CNGB3: variants seen among roughly 807,000 people sequenced by gnomAD.
CNGB3 encodes the protein cyclic nucleotide-gated channel beta-3.
A neutral mutation model predicts 92.8 loss-of-function variants in CNGB3; 86 were observed. The observed-to-expected ratio is 0.93, with a 90% CI of 0.78 to 1.11. CNGB3 has a LOEUF of 1.11. Among genes scored for constraint, CNGB3 ranks in the 50% least tolerant of loss-of-function variants. The pLI is 0.00. For missense variants in CNGB3, 1,026 were observed against 956.8 expected (o/e 1.07, Z -0.95); for synonymous variants, 333 against 332.7 (o/e 1.00, Z -0.01).
Position 86,691,219 on chromosome 8 carries a change from A to C in CNGB3, c.339-20121T>G, listed in dbSNP as rs116294365. On this transcript the variant is annotated intron_variant, in intron 3 of 17. Transcript: ENST00000320005. Reference sequence around the variant, plus strand: ...CAGTGCTGCTGATTTGTGTACATTTATTTTGTAATCTGAAACTTTACTGAA... The same window carrying C: ...CAGTGCTGCTGATTTGTGTACATTTCTTTTGTAATCTGAAACTTTACTGAA... Among the ~76,000 whole-genome samples the C allele has an allele frequency of 8.4e-3, 1,282 of 152,192 alleles. 18 individuals carry two copies. The highest frequency in any genetic ancestry group is 0.029 in the African/African-American group (1,207 of 41,538).
intron 13 of CNGB3, among the ~76,000 whole-genome samples, chr8:86,618,134 T>C (rs1822652648): frequency 6.6e-6 from 1 of 152,192 alleles, no homozygotes; most frequent in South Asian, 2.1e-4. Flanking sequence ...GAGAATCTAA[T>C]GCCACTGCTG....
chr8:86,710,718 T>G (rs926540801), intron 3 of CNGB3, among the ~76,000 whole-genome samples: 1 of 152,074 alleles, frequency 6.6e-6, no homozygotes, highest in African/African-American at 2.4e-5. Flanking sequence ...ATACCTAAGA[T>G]ATAAACATCT....
intron 3 of CNGB3, among the ~76,000 whole-genome samples, chr8:86,701,889 A>C (rs1824565126): frequency 6.6e-6 from 1 of 152,214 alleles, no homozygotes; most frequent in Admixed American, 6.5e-5. Flanking sequence ...AAAATACCAA[A>C]AGGTGAAGGA....
At chr8:86,581,223 C>T (rs1364316328) in intron 15 of CNGB3, among the ~76,000 whole-genome samples, 1 of 152,152 alleles carries the variant, frequency 6.6e-6, no homozygotes, top group African/African-American at 2.4e-5. Context: ...AGAGGTGAAT[C>T]CATAAAACTA....
At chr8:86,711,930 A>T (rs752888766) in intron 3 of CNGB3, among the ~76,000 whole-genome samples, 16 of 151,438 alleles carry the variant, frequency 1.1e-4, no homozygotes, top group Non-Finnish European at 1.9e-4. Context: ...CTTTTTTTGA[A>T]GTAAGGCCAG....
chr8:86,724,401 C>T lies in CNGB3; in HGVS notation c.338+2130G>A, dbSNP rs150367901. On this transcript the variant is annotated intron_variant, in intron 3 of 17. Coordinates refer to ENST00000320005, the MANE Select transcript of CNGB3 (RefSeq NM_019098.5). ...CTTGGAGAGTCACTTGTGTCTTGCT[C>T]TCCTCCTGGAGAAGCTGTATAGTTT... Among the ~76,000 whole-genome samples the T allele has an allele frequency of 3.8e-3, 574 of 152,250 alleles. 3 individuals carry two copies. Among genetic ancestry groups the T allele is most frequent in the African/African-American group, 9.5e-3 (395 of 41,562 alleles).
chr8:86,623,642 A>G (rs150953969), intron 13 of CNGB3, among the ~76,000 whole-genome samples: 4 of 152,328 alleles, frequency 2.6e-5, no homozygotes, highest in African/African-American at 9.6e-5. Context: ...CTGTTGCATT[A>G]GGGATTGAGT....
At chr8:86,690,879 T>C (rs951367381) in intron 3 of CNGB3, among the ~76,000 whole-genome samples, 3 of 152,136 alleles carry the variant, frequency 2.0e-5, no homozygotes, top group African/African-American at 4.8e-5. Flanking sequence ...AGATGTGTGG[T>C]GTTATTTCTG....
intron 15 of CNGB3, among the ~76,000 whole-genome samples, chr8:86,598,301 G>A (rs1006300416): frequency 6.6e-6 from 1 of 152,202 alleles, no homozygotes; most frequent in Non-Finnish European, 1.5e-5. Context: ...GTGAGAGATG[G>A]ATGAACTGAA....
At chr8:86,728,955 G>GT (rs1477265929) in intron 2 of CNGB3, among the ~76,000 whole-genome samples, 1 of 152,184 alleles carries the variant, frequency 6.6e-6, no homozygotes, top group African/African-American at 2.4e-5. Context: ...CTGTCACCCA[G>GT]GCTGGAGTGC....
intron 10 of CNGB3, among the ~76,000 whole-genome samples, chr8:86,639,175 A>G (rs1388066849): frequency 6.6e-6 from 1 of 152,034 alleles, no homozygotes; most frequent in Non-Finnish European, 1.5e-5. Context: ...TTCAAAGAAG[A>G]TACATTAGGG....
At chr8:86,685,639 A>C (rs910603956) in intron 3 of CNGB3, among the ~76,000 whole-genome samples, 2 of 152,124 alleles carry the variant, frequency 1.3e-5, no homozygotes, top group East Asian at 3.9e-4. Flanking sequence ...TTTCAGATGA[A>C]TGAACTAAAG....
intron 2 of CNGB3, among the ~76,000 whole-genome samples, chr8:86,732,833 C>CA (rs1408470864): frequency 6.6e-6 from 1 of 152,150 alleles, no homozygotes; most frequent in Non-Finnish European, 1.5e-5. Context: ...TTGTTGGCTA[C>CA]ATAAGACTAT....
chr8:86,706,461 T>C (rs1824654055), intron 3 of CNGB3, among the ~76,000 whole-genome samples: 2 of 152,246 alleles, frequency 1.3e-5, no homozygotes, highest in South Asian at 2.1e-4. Context: ...AGAAAAGCAC[T>C]GTATTGAGCT....
chr8:86,650,082 C>T (rs1177158919), intron 7 of CNGB3, among the ~76,000 whole-genome samples: 4 of 151,326 alleles, frequency 2.6e-5, no homozygotes, highest in African/African-American at 9.7e-5. Context: ...CATCAAACCT[C>T]GTTGATTTTA....
At position 86,628,988 on chromosome 8, in the gene CNGB3, T is replaced by C. The variant is rs765267761; in HGVS notation, c.1411A>G (p.Ile471Val). The change falls in exon 12 of 18, where the codon ATT becomes GTT. Residue 471 changes from isoleucine (I) to valine (V), a missense_variant. Physicochemically the swap from Ile to Val is conservative, Grantham distance 29. Coordinates refer to ENST00000320005, the MANE Select transcript of CNGB3 (RefSeq NM_019098.5). ...ACTCGCTTTTGCACAAGTTTAGGAA[T>C]GGAGTAATTGTTCATGTAGGCAATG... is the stretch of plus-strand genomic sequence containing the variant. ...DTIAYMNNYS[I>V]PKLVQKRVRT... 96 of 1,613,932 alleles carry C rather than the reference T, an allele frequency of 5.9e-5. No homozygotes were observed. Among genetic ancestry groups the C allele is most frequent in the Non-Finnish European group, 7.2e-5 (85 of 1,179,958 alleles).
chr8:86,683,051 A>G (rs1824113140), intron 3 of CNGB3, among the ~76,000 whole-genome samples: 1 of 152,148 alleles, frequency 6.6e-6, no homozygotes, highest in Non-Finnish European at 1.5e-5. Flanking sequence ...TGGGTAGTAA[A>G]TGGTTATCAG....
intron 8 of CNGB3, among the ~76,000 whole-genome samples, chr8:86,646,382 T>C (rs914398555): frequency 1.3e-5 from 2 of 151,132 alleles, no homozygotes; most frequent in African/African-American, 4.8e-5. Flanking sequence ...CCTTTCAGCC[T>C]GAGGCCTACC....
At chr8:86,733,126 T>C (rs1316984429) in intron 2 of CNGB3, among the ~76,000 whole-genome samples, 2 of 152,196 alleles carry the variant, frequency 1.3e-5, no homozygotes, top group Non-Finnish European at 2.9e-5. Context: ...GCAGAATCTA[T>C]TGTTCCCATC....
Sources: allele counts gnomAD v4.1 joint callset (sites outside exome capture counted in the v4.1 genomes callset), GRCh38; gene constraint gnomAD v4.1.1; transcripts MANE v1.5; gene names NCBI Gene and HGNC (gene_info 2026-07-23, HGNC 2026-07-21).